SLC30A8: variants seen among roughly 807,000 people sequenced by gnomAD.
SLC30A8 encodes solute carrier family 30 member 8.
In SLC30A8, 27 loss-of-function variants were observed where a neutral mutation model predicts 36.9. That is an observed-to-expected ratio of 0.73 (90% CI 0.54 to 1.01). The LOEUF (loss-of-function observed/expected upper bound fraction) is 1.01, where lower values mean the gene tolerates loss of function less well. Ranked by LOEUF, SLC30A8 falls within the 50% of genes least tolerant of loss-of-function variation. SLC30A8 has a pLI of 0.00. For missense variants in SLC30A8, 439 were observed against 452.0 expected, an observed-to-expected ratio of 0.97 and a Z score of 0.26; for synonymous variants, 164 against 172.4, an observed-to-expected ratio of 0.95 and a Z score of 0.38.
rs2129824418 is a variant in SLC30A8, at chr8:117,176,376, A to AT, written c.*3699dup. On this transcript the variant is annotated 3_prime_UTR_variant, in exon 8 of 8. Transcript: ENST00000456015. Reference sequence around the variant, plus strand: ...AGCTCTAAAGTGCCTCCAGGAAATGATTTTCTCAGCTCATCTCTCTGTATT... The same window carrying AT: ...AGCTCTAAAGTGCCTCCAGGAAATGATTTTTCTCAGCTCATCTCTCTGTATT... The AT allele has an allele frequency of 6.6e-6, 1 of 152,540 alleles. No homozygotes were observed. The highest frequency in any genetic ancestry group is 6.6e-5 in the Admixed American group (1 of 15,250). 9.4% of individuals were successfully genotyped at this position (152,540 alleles called of 1,614,324 possible).
At chr8:117,097,379 A>G in intron 2 of SLC30A8, among the ~76,000 whole-genome samples, 1 of 126,550 alleles carries the variant, frequency 7.9e-6, no homozygotes, top group African/African-American at 3.1e-5. Flanking sequence ...CCTGGGTGAC[A>G]AAGCAAGACT....
At chr8:117,133,315 T>C (rs952019489), upstream of SLC30A8, among the ~76,000 whole-genome samples, 4 of 151,988 alleles carry the variant, frequency 2.6e-5, no homozygotes, top group Admixed American at 6.6e-5. Context: ...CATCCTACTC[T>C]CACTTTATTC....
chr8:117,080,738 G>T (rs1356052961), intron 2 of SLC30A8, among the ~76,000 whole-genome samples: 1 of 152,152 alleles, frequency 6.6e-6, no homozygotes, highest in Non-Finnish European at 1.5e-5. Context: ...GTCCACCATT[G>T]TTGGGCACCT....
chr8:117,096,601 T>C (rs1819376748), intron 2 of SLC30A8, among the ~76,000 whole-genome samples: 1 of 150,112 alleles, frequency 6.7e-6, no homozygotes, highest in African/African-American at 2.5e-5. Context: ...ACACAGAAGT[T>C]ATAAAATTAC....
At chr8:117,153,637 GTT>G (rs562755904) in intron 3 of SLC30A8, among the ~76,000 whole-genome samples, 88 of 140,178 alleles carry the variant, frequency 6.3e-4, no homozygotes, top group African/African-American at 2.6e-3. Flanking sequence ...GAAGATGAAA[GTT>G]TACTTTTTCT....
In SLC30A8 at chr8:116,956,539, A is replaced by C. The variant is rs765002858; in HGVS notation, c.-266+5420A>C. 5.9e-4 allele frequency among the ~76,000 whole-genome samples: 90 copies of C among 152,216 alleles called. 2 individuals carry two copies. The highest frequency in any genetic ancestry group is 1.6e-4 in the Non-Finnish European group (11 of 68,034). ...ATCTTTTAGTAAAAATCATGCTTAC[A>C]ACGAAAATACAATTCATTGGATTTA... On this transcript the variant is annotated intron_variant, in intron 1 of 10. Coordinates refer to the SLC30A8 transcript ENST00000427715.
At chr8:116,976,721 AG>A (rs533963474) in intron 1 of SLC30A8, among the ~76,000 whole-genome samples, 55 of 151,774 alleles carry the variant, frequency 3.6e-4, no homozygotes, top group African/African-American at 9.7e-4. Flanking sequence ...CTGCTGGGGT[AG>A]GGGGGTCTTA....
intron 2 of SLC30A8, among the ~76,000 whole-genome samples, chr8:117,150,469 TC>T (rs1822127049): frequency 6.6e-6 from 1 of 152,154 alleles, no homozygotes; most frequent in Non-Finnish European, 1.5e-5. Context: ...CAGGTCTGAG[TC>T]TTTTCTGTGT....
chr8:117,067,646 A>G (rs1303907879), intron 2 of SLC30A8, among the ~76,000 whole-genome samples: 1 of 152,238 alleles, frequency 6.6e-6, no homozygotes, highest in African/African-American at 2.4e-5. Flanking sequence ...ATGTCTGTGA[A>G]TGAGATCATA....
At chr8:116,960,006 G>C (rs952207543) in intron 1 of SLC30A8, among the ~76,000 whole-genome samples, 1 of 152,172 alleles carries the variant, frequency 6.6e-6, no homozygotes, top group Admixed American at 6.5e-5. Flanking sequence ...GAGCTTGTCA[G>C]GCTACTCCCT....
At chr8:117,093,951 C>T (rs907566752) in intron 2 of SLC30A8, among the ~76,000 whole-genome samples, 1 of 152,356 alleles carries the variant, frequency 6.6e-6, no homozygotes, top group Non-Finnish European at 1.5e-5. Flanking sequence ...GGCAGCTCCA[C>T]GGACCAGCAC....
intron 7 of SLC30A8, 101 bp from the exon 8 acceptor site, chr8:117,172,435 C>T (rs1424133364): frequency 1.3e-6 from 2 of 1,515,188 alleles, no homozygotes; most frequent in African/African-American, 1.4e-5. Flanking sequence ...GCCTCTGCCC[C>T]ACCCCAGCAG....
chr8:117,014,426 G>T (rs1018263908), intron 1 of SLC30A8, among the ~76,000 whole-genome samples: 1 of 152,284 alleles, frequency 6.6e-6, no homozygotes, highest in Admixed American at 6.5e-5. Context: ...GTCTGTGGTG[G>T]TGAGTCCCTA....
chr8:117,018,852 G>A (rs755054404), intron 1 of SLC30A8, among the ~76,000 whole-genome samples: 1 of 151,928 alleles, frequency 6.6e-6, no homozygotes, highest in African/African-American at 2.4e-5. Flanking sequence ...GTAGAGATGC[G>A]GTTTTTCACC....
intron 2 of SLC30A8, among the ~76,000 whole-genome samples, chr8:117,112,452 G>C (rs1820270658): frequency 6.6e-6 from 1 of 151,798 alleles, no homozygotes; most frequent in Non-Finnish European, 1.5e-5. Flanking sequence ...ACAGTTAAAG[G>C]AGTTGGTGTA....
At position 117,080,942 on chromosome 8, in the gene SLC30A8, C is replaced by T. The variant is rs565885410; in HGVS notation, c.-226+41684C>T. Among the ~76,000 whole-genome samples the T allele has an allele frequency of 2.0e-5, 3 of 152,312 alleles. No homozygotes were observed. The South Asian group carries it at 6.2e-4, about 32-fold the overall frequency. ...TCCCCACAGTGGTTGGACTAATTTA[C>T]TGTTAAAATTTTGTGATGGTCTGTT... On this transcript the variant is annotated intron_variant, in intron 2 of 10. Coordinates refer to the SLC30A8 transcript ENST00000427715.
At chr8:117,014,090 G>A (rs765946593) in intron 1 of SLC30A8, among the ~76,000 whole-genome samples, 1 of 152,058 alleles carries the variant, frequency 6.6e-6, no homozygotes, top group Non-Finnish European at 1.5e-5. Flanking sequence ...TGCAGTTTTT[G>A]CCACTGCGTT....
intron 1 of SLC30A8, among the ~76,000 whole-genome samples, chr8:116,971,116 C>T (rs1031504220): frequency 2.0e-5 from 3 of 151,956 alleles, no homozygotes; most frequent in African/African-American, 7.2e-5. Context: ...ACAACAACAA[C>T]ACACACACAA....
chr8:117,129,538 G>C (rs1405323614), intron 2 of SLC30A8, among the ~76,000 whole-genome samples: 1 of 151,888 alleles, frequency 6.6e-6, no homozygotes, highest in Non-Finnish European at 1.5e-5. Context: ...TTGTGACTAG[G>C]AAATGCAAAT....
Sources: gnomAD v4.1 joint callset for allele counts (sites outside exome capture counted in the v4.1 genomes callset) on GRCh38, gnomAD v4.1.1 for gene constraint, MANE v1.5 for transcripts, NCBI Gene and HGNC (gene_info 2026-07-23, HGNC 2026-07-21) for gene names.